Variants in MED24 observed in about 807,000 individuals in gnomAD.
The protein encoded by MED24 is mediator of RNA polymerase II transcription subunit 24.
Under a neutral mutation model 118.8 loss-of-function variants are expected in MED24, and 74 were observed. The ratio of observed to expected loss-of-function variants is 0.62; its 90% CI spans 0.52 to 0.76. MED24 has a LOEUF of 0.76. Ranked by LOEUF, MED24 falls within the 30% of genes least tolerant of loss-of-function variation. MED24 has a pLI of 0.00. For missense variants in MED24, 1,041 were observed against 1,278.9 expected (o/e 0.81, Z 2.84); for synonymous variants, 521 against 523.9 (o/e 0.99, Z 0.08).
chr17:40,029,625 G>T, intron 13 of MED24, 123 bp downstream of exon 13: 3 of 898,582 alleles, frequency 3.3e-6, no homozygotes, highest in South Asian at 1.7e-5. Flanking sequence ...TACCTCCAAA[G>T]CAACTATGTA....
chr17:40,020,977 A>G (rs1981913258), intron 23 of MED24, among the ~76,000 whole-genome samples: 1 of 152,102 alleles, frequency 6.6e-6, no homozygotes, highest in Non-Finnish European at 1.5e-5. Flanking sequence ...GGAGGCTGAG[A>G]CAGGAAAATT....
intron 3 of MED24, among the ~76,000 whole-genome samples, chr17:40,040,488 G>T (rs980725157): frequency 4.6e-5 from 7 of 152,054 alleles, no homozygotes; most frequent in African/African-American, 1.7e-4. Context: ...AAATTCCTGG[G>T]ATTACAGGTA....
At position 40,019,602 on chromosome 17, in the gene MED24, A is replaced by T; in HGVS notation, c.2897T>A (p.Val966Glu). 6.2e-7 allele frequency: 1 copy of T among 1,609,024 alleles called. No individual in the cohort carries two copies. Among genetic ancestry groups the T allele is most frequent in the Non-Finnish European group, 8.5e-7 (1 of 1,177,206 alleles). ...GCTGAGGTCCGTGATGGCCAGAACC[A>T]CCTTGGGGCTGGACATGGCTGACAC... ...VKVSAMSSPK[V>E]VLAITDLSLP... The change falls in exon 26 of 26, where the codon GTG (valine) becomes GAG (glutamate). Residue 966 changes from valine (V) to glutamate (E), a missense_variant. Transcript: ENST00000394128.
At chr17:40,039,756 C>CTA (rs1056938694) in intron 3 of MED24, among the ~76,000 whole-genome samples, 16 of 150,442 alleles carry the variant, frequency 1.1e-4, no homozygotes, top group African/African-American at 3.4e-4. Flanking sequence ...GTAGCTGGGA[C>CTA]TACAGGTGCA....
At chr17:40,036,617 G>A (rs113191306) in intron 3 of MED24, among the ~76,000 whole-genome samples, 78 of 145,414 alleles carry the variant, frequency 5.4e-4, no homozygotes, top group African/African-American at 1.8e-3. Flanking sequence ...GAATCAGGGA[G>A]TTGGAGGTTG....
Position 40,023,174 on chromosome 17 carries a change from A to G in MED24, c.2207T>C (p.Leu736Pro). The G allele has an allele frequency of 6.2e-7, 1 of 1,614,160 alleles. No homozygotes were observed. Among genetic ancestry groups the G allele is most frequent in the Non-Finnish European group, 8.5e-7 (1 of 1,180,010 alleles). The change falls in exon 20 of 26, where the codon CTG becomes CCG. Residue 736 changes from leucine (L) to proline (P), a missense_variant. Physicochemically the swap from Leu to Pro is moderately conservative, Grantham distance 98. Around this residue, in one of 3 missense-constraint regions of MED24, gnomAD observed 587 missense variants for 694.4 expected, o/e 0.85. Coordinates refer to ENST00000394128, the MANE Select transcript of MED24 (RefSeq NM_014815.4). ...SRSIHIFDTL[L>P]HMGGVYWFCN... ...GAACCAGTAGACGCCGCCCATGTGCAGCAGGGTGTCAAAGATGTGGATGGA... is the reference window on the plus strand; with the variant it reads ...GAACCAGTAGACGCCGCCCATGTGCGGCAGGGTGTCAAAGATGTGGATGGA...
chr17:40,026,795 G>C (rs1292785384), intron 17 of MED24, 49 bp from the exon 18 acceptor site: 1 of 1,611,566 alleles, frequency 6.2e-7, no homozygotes, highest in Non-Finnish European at 8.5e-7. Context: ...AACGGGCTCA[G>C]GGAGCGGGTC....
intron 22 of MED24, 56 bp from the exon 23 acceptor site, chr17:40,022,110 T>C (rs1982090845): frequency 3.6e-6 from 5 of 1,378,820 alleles, no homozygotes; most frequent in East Asian, 2.3e-5. Flanking sequence ...TTTCCAGCTG[T>C]CAGGGAAAAG....
chr17:40,043,594 A>G (rs148991249), intron 3 of MED24, among the ~76,000 whole-genome samples: 132 of 152,092 alleles, frequency 8.7e-4, no homozygotes, highest in African/African-American at 3.0e-3. Flanking sequence ...TTTCTGCTTC[A>G]AAGATTTAAA....
Position 40,035,222 on chromosome 17 carries a change from C to A in MED24, c.454G>T (p.Ala152Ser), listed in dbSNP as rs1027626451. 10 of 1,613,932 alleles carry A rather than the reference C, an allele frequency of 6.2e-6. No individual in the cohort carries two copies. The African/African-American group carries it at 1.3e-4, about 22-fold the overall frequency. Residue 152 changes from alanine to serine, a missense_variant, in exon 6 of 26, where the codon GCC (alanine) becomes TCC (serine). Transcript: ENST00000394128. ...LREGLEAGTP[A>S]AGEKQLAMCL... The stretch of plus-strand genomic sequence containing the variant: ...ATGGCAAGCTGCTTCTCCCCAGCGG[C>A]TGGAGTGCCGGCCTCCAGCCCCTCC...
rs1439075354 is a variant in MED24, at chr17:40,019,598, A to G, written c.2901T>C (p.Val967=). 2 of 1,610,760 alleles carry G rather than the reference A, an allele frequency of 1.2e-6. No individual in the cohort carries two copies. Among genetic ancestry groups the G allele is most frequent in the Non-Finnish European group, 1.7e-6 (2 of 1,178,222 alleles). Residue 967 remains valine, a synonymous_variant, in exon 26 of 26, where the codon GTT becomes GTC. Transcript: ENST00000394128. ...KVSAMSSPKV[V]LAITDLSLPL... is the part of the protein sequence containing the mutation. ...GCAGGCTGAGGTCCGTGATGGCCAG[A>G]ACCACCTTGGGGCTGGACATGGCTG...
rs1478106554 is a variant in MED24 at position 40,019,207 on chromosome 17, C to A, written c.*322G>T. On this transcript the variant is annotated 3_prime_UTR_variant, in exon 26 of 26. Transcript: ENST00000394128. ...ACACACACACACACACACACACATACACACTTTGCATCTAGAAAGTTCCTC... is the reference window on the plus strand; with the variant it reads ...ACACACACACACACACACACACATAAACACTTTGCATCTAGAAAGTTCCTC... The A allele has an allele frequency of 8.3e-6, 3 of 359,304 alleles. No individual in the cohort carries two copies. Among genetic ancestry groups the A allele is most frequent in the Non-Finnish European group, 1.5e-5 (3 of 194,908 alleles). 22.3% of individuals were successfully genotyped at this position (359,304 alleles called of 1,614,324 possible).
At chr17:40,029,012 C>T (rs763838502) in intron 13 of MED24, 44 bp from the exon 14 acceptor site, 11 of 1,612,434 alleles carry the variant, frequency 6.8e-6, no homozygotes, top group South Asian at 4.4e-5. Flanking sequence ...ACACTGAAGA[C>T]CCCCCACCCA....
rs2144846101 is a variant in MED24, at chr17:40,019,582, G to A, written c.2917C>T (p.Leu973Phe). Reference sequence around the variant, plus strand: ...ACCTGGCGGCCCAGGGGCAGGCTGAGGTCCGTGATGGCCAGAACCACCTTG... The same window carrying A: ...ACCTGGCGGCCCAGGGGCAGGCTGAAGTCCGTGATGGCCAGAACCACCTTG... Reference protein sequence around the residue: ...SPKVVLAITDLSLPLGRQVAA... With the variant: ...SPKVVLAITDFSLPLGRQVAA... Residue 973 changes from leucine (L) to phenylalanine (F), a missense_variant, in exon 26 of 26, where the codon CTC (leucine) becomes TTC (phenylalanine). By Grantham distance (22) the Leu-to-Phe change is conservative (BLOSUM62 0). Coordinates refer to ENST00000394128, the MANE Select transcript of MED24 (RefSeq NM_014815.4). The A allele has an allele frequency of 6.2e-7, 1 of 1,612,258 alleles. No homozygotes were observed. Among genetic ancestry groups the A allele is most frequent in the Non-Finnish European group, 8.5e-7 (1 of 1,179,188 alleles).
At chr17:40,026,818 C>G in intron 17 of MED24, 38 bp downstream of exon 17, 1 of 1,610,784 alleles carries the variant, frequency 6.2e-7, no homozygotes, top group Non-Finnish European at 8.5e-7. Flanking sequence ...GACCCTGCCC[C>G]CACCGCCACC....
chr17:40,023,255 T>C lies in MED24; in HGVS notation c.2126A>G (p.Glu709Gly). ...CTTGGCAAAAATGTCCGTCAGCACC[T>C]CTTTGATGGGCCGCTTGGGGGGCAG... ...NLLPPKRPIK[E>G]VLTDIFAKVL... The change falls in exon 20 of 26, where the codon GAG becomes GGG. Residue 709 changes from glutamate to glycine, a missense_variant. By Grantham distance (98) the Glu-to-Gly change is moderately conservative. This residue lies in a region of MED24 where 587 missense variants were observed against 694.4 expected (regional missense o/e 0.85). Transcript: ENST00000394128. The C allele has an allele frequency of 6.2e-7, 1 of 1,614,098 alleles. No individual in the cohort carries two copies. The highest frequency in any genetic ancestry group is 8.5e-7 in the Non-Finnish European group (1 of 1,179,990).
Position 40,035,220 on chromosome 17 carries a change from G to A in MED24, c.456C>T (p.Ala152=), listed in dbSNP as rs1354386067. 10 of 1,613,936 alleles carry A rather than the reference G, an allele frequency of 6.2e-6. No individual in the cohort carries two copies. Among genetic ancestry groups the A allele is most frequent in the Non-Finnish European group, 5.1e-6 (6 of 1,180,014 alleles). ...LREGLEAGTP[A]AGEKQLAMCL... Reference sequence around the variant, plus strand: ...ACATGGCAAGCTGCTTCTCCCCAGCGGCTGGAGTGCCGGCCTCCAGCCCCT... The same window carrying A: ...ACATGGCAAGCTGCTTCTCCCCAGCAGCTGGAGTGCCGGCCTCCAGCCCCT... Residue 152 remains alanine (A), a synonymous_variant, in exon 6 of 26, where the codon GCC becomes GCT. Coordinates refer to ENST00000394128, the MANE Select transcript of MED24 (RefSeq NM_014815.4).
At chr17:40,038,744 T>C (rs1316641709) in intron 3 of MED24, among the ~76,000 whole-genome samples, 1 of 150,756 alleles carries the variant, frequency 6.6e-6, no homozygotes, top group African/African-American at 2.4e-5. Flanking sequence ...AAGAAAGCCG[T>C]CTGCTCAATC....
chr17:40,046,187 C>T (rs1985170384), intron 3 of MED24, among the ~76,000 whole-genome samples: 1 of 142,712 alleles, frequency 7.0e-6, no homozygotes. Context: ...CGGGTTCACG[C>T]CATTCTCCTG....
Sources: allele counts gnomAD v4.1 joint callset (sites outside exome capture counted in the v4.1 genomes callset), GRCh38; gene constraint gnomAD v4.1.1; regional missense constraint gnomAD v4.1.1; transcripts MANE v1.5; gene names NCBI Gene and HGNC (gene_info 2026-07-23, HGNC 2026-07-21).